CTNNA2: variants seen among roughly 807,000 people sequenced by gnomAD.
The protein encoded by CTNNA2 is catenin alpha-2.
Under a neutral mutation model 101.0 loss-of-function variants are expected in CTNNA2, and 42 were observed. That is an observed-to-expected ratio of 0.42 (90% CI 0.32 to 0.54). The LOEUF is 0.54. CTNNA2 is among the 20% of genes least tolerant of loss of function. The pLI is 0.14. For missense variants in CTNNA2, 871 were observed against 1,223.1 expected (o/e 0.71, Z 4.29); for synonymous variants, 450 against 456.4 (o/e 0.99, Z 0.18).
At chr2:80,322,124 A>G (rs1347401710) in intron 7 of CTNNA2, among the ~76,000 whole-genome samples, 3 of 152,142 alleles carry the variant, frequency 2.0e-5, no homozygotes, top group Non-Finnish European at 2.9e-5. Flanking sequence ...CATTTAGCTC[A>G]CTTTTTTTCT....
chr2:79,923,893 A>T (rs1008154272), intron 7 of CTNNA2, among the ~76,000 whole-genome samples: 1 of 152,160 alleles, frequency 6.6e-6, no homozygotes, highest in Non-Finnish European at 1.5e-5. Context: ...GCTATTTTGG[A>T]AAACAGAATG....
chr2:79,688,975 G>A (rs1439863026), intron 2 of CTNNA2, among the ~76,000 whole-genome samples: 2 of 151,910 alleles, frequency 1.3e-5, no homozygotes, highest in African/African-American at 2.4e-5. Context: ...TCAATGGCTG[G>A]GGGTAAGAAG....
At chr2:80,004,534 A>G (rs1028807420) in intron 7 of CTNNA2, among the ~76,000 whole-genome samples, 1 of 152,076 alleles carries the variant, frequency 6.6e-6, no homozygotes, top group South Asian at 2.1e-4. Flanking sequence ...CTTTACCTGC[A>G]TTTTCTAATT....
chr2:80,333,024 A>C (rs920752642), intron 7 of CTNNA2, among the ~76,000 whole-genome samples: 2 of 152,234 alleles, frequency 1.3e-5, no homozygotes, highest in African/African-American at 4.8e-5. Flanking sequence ...GAACACAGCC[A>C]TACCTATTTG....
chr2:79,713,184 G>A (rs1685852373), intron 2 of CTNNA2, among the ~76,000 whole-genome samples: 1 of 152,196 alleles, frequency 6.6e-6, no homozygotes, highest in South Asian at 2.1e-4. Flanking sequence ...TGAATAAAAT[G>A]TTGGGTCAGA....
At chr2:80,005,496 C>T (rs1230937114) in intron 7 of CTNNA2, among the ~76,000 whole-genome samples, 1 of 152,132 alleles carries the variant, frequency 6.6e-6, no homozygotes, top group African/African-American at 2.4e-5. Context: ...CTAACATTCG[C>T]TGTTCTTCAT....
chr2:80,095,108 A>T (rs1453824462), intron 7 of CTNNA2, among the ~76,000 whole-genome samples: 7 of 152,052 alleles, frequency 4.6e-5, no homozygotes, highest in Non-Finnish European at 2.9e-5. Flanking sequence ...GCTTCCAGTT[A>T]TTGTCCATTC....
At chr2:79,241,399 T>A (rs921519212) in intron 2 of CTNNA2, among the ~76,000 whole-genome samples, 2 of 152,202 alleles carry the variant, frequency 1.3e-5, no homozygotes, top group African/African-American at 4.8e-5. Flanking sequence ...ACTGCAACAG[T>A]TAATTCACTA....
At chr2:80,407,555 A>T (rs977722418) in intron 8 of CTNNA2, among the ~76,000 whole-genome samples, 1 of 152,206 alleles carries the variant, frequency 6.6e-6, no homozygotes, top group Admixed American at 6.5e-5. Flanking sequence ...CTCACAAAGG[A>T]CAAAATCTAT....
At chr2:79,831,892 A>G (rs1386993501) in intron 3 of CTNNA2, among the ~76,000 whole-genome samples, 2 of 152,222 alleles carry the variant, frequency 1.3e-5, no homozygotes, top group East Asian at 3.9e-4. Context: ...TTTCAAGCAG[A>G]TGATGAATAA....
At chr2:80,583,011 G>A (rs575849053) in intron 14 of CTNNA2, among the ~76,000 whole-genome samples, 1 of 152,066 alleles carries the variant, frequency 6.6e-6, no homozygotes, top group Non-Finnish European at 1.5e-5. Context: ...ATTAATAGGA[G>A]GGATGTGAAG....
chr2:79,979,133 C>G (rs1691075285), intron 7 of CTNNA2, among the ~76,000 whole-genome samples: 1 of 152,154 alleles, frequency 6.6e-6, no homozygotes, highest in Non-Finnish European at 1.5e-5. Context: ...AGCCTGTAAT[C>G]CCCGAGACTC....
intron 7 of CTNNA2, among the ~76,000 whole-genome samples, chr2:80,099,240 A>G (rs1700383326): frequency 6.6e-6 from 1 of 152,036 alleles, no homozygotes; most frequent in Non-Finnish European, 1.5e-5. Context: ...TTCTTTTTCT[A>G]CCAGTTTTAC....
intron 6 of CTNNA2, among the ~76,000 whole-genome samples, chr2:79,903,192 A>G (rs536958995): frequency 1.8e-4 from 27 of 152,208 alleles, no homozygotes; most frequent in Admixed American, 5.2e-4. Context: ...CCTCATTGTC[A>G]TAGCCTATAT....
intron 9 of CTNNA2, among the ~76,000 whole-genome samples, chr2:80,526,229 T>G (rs1202939556): frequency 6.6e-6 from 1 of 152,136 alleles, no homozygotes; most frequent in Non-Finnish European, 1.5e-5. Flanking sequence ...AGACAGAGTC[T>G]GGCTCTGTCA....
At chr2:80,536,176 T>TG (rs1233629221) in intron 9 of CTNNA2, among the ~76,000 whole-genome samples, 2 of 152,222 alleles carry the variant, frequency 1.3e-5, no homozygotes, top group African/African-American at 4.8e-5. Flanking sequence ...CATCTTCGTG[T>TG]GTACTAATTA....
chr2:79,719,966 C>G (rs1010904850), intron 2 of CTNNA2, among the ~76,000 whole-genome samples: 2 of 152,082 alleles, frequency 1.3e-5, no homozygotes, highest in African/African-American at 4.8e-5. Flanking sequence ...AATTCTTTGC[C>G]AAGGCCAATG....
At chr2:79,219,674 A>T (rs1046254998) in intron 2 of CTNNA2, among the ~76,000 whole-genome samples, 1 of 152,214 alleles carries the variant, frequency 6.6e-6, no homozygotes, top group African/African-American at 2.4e-5. Flanking sequence ...ATATTCGTGG[A>T]TCATAAAAGC....
chr2:79,605,388 A>G (rs993004717), intron 1 of CTNNA2, among the ~76,000 whole-genome samples: 1 of 152,220 alleles, frequency 6.6e-6, no homozygotes, highest in African/African-American at 2.4e-5. Context: ...TTGAAGAAAT[A>G]ATAGCTAGAA....
Sources: allele counts gnomAD v4.1 joint callset (sites outside exome capture counted in the v4.1 genomes callset), GRCh38; gene constraint gnomAD v4.1.1; transcripts MANE v1.5; gene names NCBI Gene and HGNC (gene_info 2026-07-23, HGNC 2026-07-21).